ZGRF1: variants seen among roughly 807,000 people sequenced by gnomAD.
The protein encoded by ZGRF1 is 5'-3' DNA helicase ZGRF1.
Under a neutral mutation model 203.5 loss-of-function variants are expected in ZGRF1, and 196 were observed. The ratio of observed to expected loss-of-function variants is 0.96; its 90% CI spans 0.86 to 1.08. The LOEUF is 1.08. Ranked by LOEUF, ZGRF1 falls within the 50% of genes least tolerant of loss-of-function variation. The probability of loss-of-function intolerance (pLI) is 0.00; values close to 1 mark genes in which losing one functional copy is unlikely to be tolerated. For missense variants in ZGRF1, 2,326 were observed against 2,416.3 expected, an observed-to-expected ratio of 0.96 and a Z score of 0.78; for synonymous variants, 809 against 841.3, an observed-to-expected ratio of 0.96 and a Z score of 0.66.
In ZGRF1 at chr4:112,618,149, T is replaced by C. The variant is rs1370467913; in HGVS notation, c.1893A>G (p.Thr631=). ...FDMGICKTEN[T]GKEIEEYSDT... ...CACTATACTCCTCTATTTCTTTTCC[T>C]GTGTTTTCAGTTTTACATATTCCCA... is the stretch of plus-strand genomic sequence containing the variant. The change falls in exon 6 of 28, where the codon ACA becomes ACG. Residue 631 remains threonine, a synonymous_variant. Coordinates refer to ENST00000505019, the MANE Select transcript of ZGRF1 (RefSeq NM_018392.5). 1.2e-6 allele frequency: 2 copies of C among 1,613,730 alleles called. No homozygotes were observed. The highest frequency in any genetic ancestry group is 1.7e-5 in the Admixed American group (1 of 59,986).
Position 112,578,969 on chromosome 4 carries a change from A to G in ZGRF1, c.4438+2694T>C, listed in dbSNP as rs1560794617. ...CAAAGCCTGGCAGAGACACAACAAAAAAACAGAATTTTAGACCAATATCCC... is the reference window on the plus strand; with the variant it reads ...CAAAGCCTGGCAGAGACACAACAAAGAAACAGAATTTTAGACCAATATCCC... On this transcript the variant is annotated intron_variant, in intron 16 of 27. Transcript: ENST00000505019. 2.4e-5 allele frequency among the ~76,000 whole-genome samples: 3 copies of G among 123,192 alleles called. 1 individual carries two copies. 80.8% of individuals were successfully genotyped at this position (123,192 alleles called of 152,430 possible).
At chr4:112,607,342 C>T (rs1303339391) in intron 8 of ZGRF1, among the ~76,000 whole-genome samples, 1 of 152,024 alleles carries the variant, frequency 6.6e-6, no homozygotes, top group African/African-American at 2.4e-5. Flanking sequence ...CTGTATTGCC[C>T]ACACTGATCT....
chr4:112,560,989 C>CCTAATAAAAA lies in ZGRF1; in HGVS notation c.4703_4704insTTTTTATTAG (p.Pro1569PhefsTer3). The CCTAATAAAAA allele has an allele frequency of 6.2e-7, 1 of 1,604,566 alleles. No individual in the cohort carries two copies. Among genetic ancestry groups the CCTAATAAAAA allele is most frequent in the Non-Finnish European group, 8.5e-7 (1 of 1,173,326 alleles). On this transcript the variant is annotated stop_gained and frameshift_variant, in exon 19 of 28. Coordinates refer to ENST00000505019, the MANE Select transcript of ZGRF1 (RefSeq NM_018392.5). LOFTEE classifies it high-confidence loss of function. ...CTCTTTTGTTACTAACTATAGTTGG[C>CCTAATAAAAA]GAAGACCTAATAAAAATGAAGCAAA...
At chr4:112,557,361 G>C (rs1741127726) in intron 20 of ZGRF1, among the ~76,000 whole-genome samples, 1 of 152,104 alleles carries the variant, frequency 6.6e-6, no homozygotes, top group Non-Finnish European at 1.5e-5. Context: ...TTTTAGTAAA[G>C]ACGGGGTTTC....
intron 3 of ZGRF1, among the ~76,000 whole-genome samples, chr4:112,628,401 T>C (rs2047304156): frequency 6.6e-6 from 1 of 152,192 alleles, no homozygotes; most frequent in Non-Finnish European, 1.5e-5. Context: ...TACTTGACAT[T>C]TGATGCTAAC....
At position 112,618,868 on chromosome 4, in the gene ZGRF1, CGACT is replaced by C. The variant is rs1423383212; in HGVS notation, c.1170_1173del (p.Gly392IlefsTer10). Reference sequence around the variant, plus strand: ...TGATTCCAGGATGGATCATTATTACCGACTGACTGGTCTACATTATACTTTTTCC... The same window carrying C: ...TGATTCCAGGATGGATCATTATTACCGACTGGTCTACATTATACTTTTTCC... On this transcript the variant is annotated frameshift_variant, in exon 6 of 28. Coordinates refer to ENST00000505019, the MANE Select transcript of ZGRF1 (RefSeq NM_018392.5). LOFTEE classifies it high-confidence loss of function. 6 of 1,613,254 alleles carry C rather than the reference CGACT, an allele frequency of 3.7e-6. No individual in the cohort carries two copies. The highest frequency in any genetic ancestry group is 4.2e-6 in the Non-Finnish European group (5 of 1,179,642).
intron 16 of ZGRF1, among the ~76,000 whole-genome samples, chr4:112,577,009 T>C (rs2148971232): frequency 6.6e-6 from 1 of 150,402 alleles, no homozygotes; most frequent in East Asian, 2.0e-4. Context: ...AAGGAAAAAA[T>C]GTTAAGGGCG....
rs983587467 is a variant in ZGRF1 at position 112,589,888 on chromosome 4, A to G, written c.2977-14T>C. 10 of 1,538,584 alleles carry G rather than the reference A, an allele frequency of 6.5e-6. No homozygotes were observed. Among genetic ancestry groups the G allele is most frequent in the Non-Finnish European group, 8.7e-6 (10 of 1,145,856 alleles). On this transcript the variant is annotated splice_polypyrimidine_tract_variant and intron_variant, in intron 10 of 27. Coordinates refer to ENST00000505019, the MANE Select transcript of ZGRF1 (RefSeq NM_018392.5). ...TGGTGATGTCACCTATACAGAAAGA[A>G]GAATCAAAACTACAGACCAAAATCT...
At chr4:112,556,135 G>A (rs1740900924) in intron 20 of ZGRF1, among the ~76,000 whole-genome samples, 1 of 151,746 alleles carries the variant, frequency 6.6e-6, no homozygotes, top group Non-Finnish European at 1.5e-5. Context: ...ATAAGAGTGT[G>A]TACTGGAAGA....
intron 17 of ZGRF1, among the ~76,000 whole-genome samples, 164 bp downstream of exon 17, chr4:112,562,967 A>C (rs1186591778): frequency 1.3e-5 from 2 of 152,330 alleles, no homozygotes; most frequent in Admixed American, 1.3e-4. Flanking sequence ...ATTCTTCCTC[A>C]CAGAAATATC....
In ZGRF1 at chr4:112,560,996, C is replaced by T. The variant is rs1198863084; in HGVS notation, c.4698-1G>A. 1.3e-6 allele frequency: 2 copies of T among 1,599,826 alleles called. No homozygotes were observed. Among genetic ancestry groups the T allele is most frequent in the African/African-American group, 2.7e-5 (2 of 74,522 alleles). The stretch of plus-strand genomic sequence containing the variant: ...GTTACTAACTATAGTTGGCGAAGAC[C>T]TAATAAAAATGAAGCAAATAAACAA... On this transcript the variant is annotated splice_acceptor_variant, in intron 18 of 27. Coordinates refer to ENST00000505019, the MANE Select transcript of ZGRF1 (RefSeq NM_018392.5). LOFTEE classifies it high-confidence loss of function.
intron 6 of ZGRF1, among the ~76,000 whole-genome samples, chr4:112,612,890 C>T: frequency 6.6e-6 from 1 of 152,120 alleles, no homozygotes; most frequent in Admixed American, 6.6e-5. Context: ...AAAATAAATA[C>T]TAACCCAATA....
At chr4:112,611,213 G>C (rs536057828) in intron 7 of ZGRF1, among the ~76,000 whole-genome samples, 1 of 152,002 alleles carries the variant, frequency 6.6e-6, no homozygotes, top group Non-Finnish European at 1.5e-5. Flanking sequence ...GACCAGCCTG[G>C]CCAACATGGT....
Position 112,587,419 on chromosome 4 carries a change from C to T in ZGRF1, c.3638G>A (p.Arg1213Gln), listed in dbSNP as rs369838525. 2.3e-5 allele frequency: 37 copies of T among 1,613,862 alleles called. No homozygotes were observed. The highest frequency in any genetic ancestry group is 1.0e-4 in the Admixed American group (6 of 59,996). The part of the protein sequence containing the change: ...QMIKGMLYQQ[R>Q]QDFSSQDSVS... ...CGAATCTTGACTGCTAAAATCCTGC[C>T]GCTGTTGATAGAGCATGCCTTTTAT... Residue 1213 changes from arginine to glutamine, a missense_variant, in exon 12 of 28, where the codon CGG (arginine) becomes CAG (glutamine). Arg to Gln is a conservative substitution (Grantham distance 43). Coordinates refer to ENST00000505019, the MANE Select transcript of ZGRF1 (RefSeq NM_018392.5).
At chr4:112,620,277 G>A in intron 4 of ZGRF1, 87 bp from the exon 5 acceptor site, 1 of 921,500 alleles carries the variant, frequency 1.1e-6, no homozygotes. Flanking sequence ...AAGACACAAT[G>A]GGTGTTCAAT....
chr4:112,595,059 T>C (rs1250600630), intron 10 of ZGRF1, among the ~76,000 whole-genome samples: 4 of 151,978 alleles, frequency 2.6e-5, no homozygotes, highest in Non-Finnish European at 4.4e-5. Context: ...CTGGCCAACA[T>C]GGTGAAACCC....
intron 16 of ZGRF1, among the ~76,000 whole-genome samples, chr4:112,580,865 T>C (rs1746109212): frequency 6.6e-6 from 1 of 152,130 alleles, no homozygotes; most frequent in Non-Finnish European, 1.5e-5. Context: ...TGGAAGTCAG[T>C]GTGGTGATTC....
At chr4:112,628,690 T>C (rs1231635547) in intron 3 of ZGRF1, 2 of 456,006 alleles carry the variant, frequency 4.4e-6, no homozygotes, top group African/African-American at 2.0e-5. Flanking sequence ...TTGTGTGAGA[T>C]ATATAATGGG....
chr4:112,562,261 A>G, intron 18 of ZGRF1, 110 bp downstream of exon 18: 1 of 673,178 alleles, frequency 1.5e-6, no homozygotes, highest in Admixed American at 2.5e-5. Flanking sequence ...CTGAAAAATA[A>G]TTACAATTTT....
Sources: gnomAD v4.1 joint callset for allele counts (sites outside exome capture counted in the v4.1 genomes callset) on GRCh38, gnomAD v4.1.1 for gene constraint, MANE v1.5 for transcripts, NCBI Gene and HGNC (gene_info 2026-07-23, HGNC 2026-07-21) for gene names.